INPP5J: variants seen among roughly 807,000 people sequenced by gnomAD.
The protein encoded by INPP5J is inositol polyphosphate-5-phosphatase J.
In INPP5J, 75 loss-of-function variants were observed where a neutral mutation model predicts 86.6. The observed-to-expected ratio is 0.87, with a 90% CI of 0.72 to 1.05. The LOEUF (loss-of-function observed/expected upper bound fraction) is 1.05, where lower values mean the gene tolerates loss of function less well. INPP5J is among the 50% of genes least tolerant of loss of function. The pLI is 0.00. For synonymous variants in INPP5J, 540 were observed against 550.0 expected, an observed-to-expected ratio of 0.98 and a Z score of 0.25; for missense variants, 1,229 against 1,341.2, an observed-to-expected ratio of 0.92 and a Z score of 1.31.
chr22:31,124,950 T>A lies in INPP5J; in HGVS notation c.211T>A (p.Ser71Thr), dbSNP rs1291193108. Residue 71 changes from serine to threonine, a missense_variant, in exon 2 of 13, where the codon TCC becomes ACC. Physicochemically the swap from Ser to Thr is moderately conservative, Grantham distance 58. Coordinates refer to ENST00000331075, the MANE Select transcript of INPP5J (RefSeq NM_001284285.2). Reference protein sequence around the residue: ...PVGPRAAMSASSEGPRLALAS... With the variant: ...PVGPRAAMSATSEGPRLALAS... ...AGGGCCACGGGCAGCTATGTCAGCT[T>A]CCTCGGAAGGACCGAGGCTGGCTCT... The A allele has an allele frequency of 6.2e-7, 1 of 1,611,630 alleles. No individual in the cohort carries two copies. Among genetic ancestry groups the A allele is most frequent in the East Asian group, 2.2e-5 (1 of 44,772 alleles).
At chr22:31,124,170 G>A in intron 1 of INPP5J, 1 of 694,678 alleles carries the variant, frequency 1.4e-6, no homozygotes, top group Non-Finnish European at 1.8e-6. Flanking sequence ...TGGGCAGAGA[G>A]GTACTTGCCT....
chr22:31,127,095 C>A (rs1003804956), intron 5 of INPP5J, 58 bp downstream of exon 5: 5 of 1,192,076 alleles, frequency 4.2e-6, no homozygotes, highest in East Asian at 2.5e-5. Context: ...TTAGATTAGT[C>A]CCCCCGCCCC....
intron 9 of INPP5J, among the ~76,000 whole-genome samples, chr22:31,131,568 A>G (rs1178353903): frequency 6.6e-6 from 1 of 152,080 alleles, no homozygotes; most frequent in African/African-American, 2.4e-5. Context: ...GTCTCAAAAA[A>G]AAAAAAAAAA....
At chr22:31,131,227 C>T (rs898649307) in intron 9 of INPP5J, among the ~76,000 whole-genome samples, 3 of 152,174 alleles carry the variant, frequency 2.0e-5, no homozygotes, top group Non-Finnish European at 4.4e-5. Context: ...CCTTTTGACA[C>T]CCCATCCTGT....
In INPP5J at chr22:31,125,275, C is replaced by G. The variant is rs1921262557; in HGVS notation, c.536C>G (p.Thr179Arg). 1.9e-6 allele frequency: 3 copies of G among 1,550,558 alleles called. No homozygotes were observed. The highest frequency in any genetic ancestry group is 2.6e-6 in the Non-Finnish European group (3 of 1,146,988). ...EPPASVGPKP[T>R]LAASGLSLAL... ...CCTGCCTCCGTGGGACCCAAGCCAA[C>G]ACTGGCAGCCTCTGGCCTGAGCCTG... is the stretch of plus-strand genomic sequence containing the variant. Residue 179 changes from threonine to arginine, a missense_variant, in exon 2 of 13, where the codon ACA (threonine) becomes AGA (arginine). Thr to Arg is a moderately conservative substitution (Grantham distance 71). Coordinates refer to ENST00000331075, the MANE Select transcript of INPP5J (RefSeq NM_001284285.2).
rs1355418211 is a variant in INPP5J at position 31,126,531 on chromosome 22, G to A, written c.1385+42G>A. On this transcript the variant is annotated intron_variant, in intron 3 of 12. Transcript: ENST00000331075. The stretch of plus-strand genomic sequence containing the variant: ...TGTGGACCCCCTCCTGAGCCCCTCG[G>A]GCCTTCCGGGCCCTCCACCCATGGC... 3 of 1,603,212 alleles carry A rather than the reference G, an allele frequency of 1.9e-6. No individual in the cohort carries two copies. The South Asian group carries it at 3.3e-5, about 18-fold the overall frequency.
At chr22:31,129,504 T>C (rs1485546416) in intron 9 of INPP5J, among the ~76,000 whole-genome samples, 1 of 148,014 alleles carries the variant, frequency 6.8e-6, no homozygotes, top group African/African-American at 2.5e-5. Flanking sequence ...CCTCCCAAAG[T>C]GCTAAGATTA....
At position 31,127,380 on chromosome 22, in the gene INPP5J, G is replaced by T; in HGVS notation, c.1635G>T (p.Val545=). Reference sequence around the variant, plus strand: ...AGGGTAACAAGGGTGGCGTGAGCGTGCGCCTGGCGGCCTTCGGGCACATGC... The same window carrying T: ...AGGGTAACAAGGGTGGCGTGAGCGTTCGCCTGGCGGCCTTCGGGCACATGC... ...GYWGNKGGVS[V]RLAAFGHMLC... Residue 545 remains valine (V), a synonymous_variant, in exon 6 of 13, where the codon GTG becomes GTT. Coordinates refer to ENST00000331075, the MANE Select transcript of INPP5J (RefSeq NM_001284285.2). 1 of 1,612,846 alleles carries T rather than the reference G, an allele frequency of 6.2e-7. No homozygotes were observed. The highest frequency in any genetic ancestry group is 8.5e-7 in the Non-Finnish European group (1 of 1,179,400).
intron 5 of INPP5J, 91 bp from the exon 6 acceptor site, chr22:31,127,266 T>C (rs1165904029): frequency 1.5e-5 from 19 of 1,239,534 alleles, no homozygotes; most frequent in Non-Finnish European, 2.2e-6. Flanking sequence ...CCACCCACCT[T>C]CCACCCACAT....
rs1008337002 is a variant in INPP5J at position 31,125,322 on chromosome 22, C to T, written c.583C>T (p.Pro195Ser). 6.4e-5 allele frequency: 99 copies of T among 1,550,312 alleles called. No homozygotes were observed. The highest frequency in any genetic ancestry group is 2.0e-4 in the Admixed American group (10 of 50,984). Residue 195 changes from proline to serine, a missense_variant, in exon 2 of 13, where the codon CCC becomes TCC. Transcript: ENST00000331075. ...CCTGGCCCTGGCTTCTGAGGAGCAG[C>T]CCCCAGAACTCCCCTCCACCCCTTC... is the stretch of plus-strand genomic sequence containing the variant. ...LSLALASEEQ[P>S]PELPSTPSPV...
intron 6 of INPP5J, 94 bp from the exon 7 acceptor site, chr22:31,127,857 G>A (rs1649177375): frequency 1.3e-5 from 10 of 784,226 alleles, no homozygotes; most frequent in South Asian, 1.3e-4. Context: ...GGGTTGGATG[G>A]GCTGGAAGGA....
intron 9 of INPP5J, among the ~76,000 whole-genome samples, chr22:31,129,314 C>T (rs1217668011): frequency 6.9e-6 from 1 of 144,868 alleles, no homozygotes; most frequent in Non-Finnish European, 1.5e-5. Context: ...AATCTTGGCT[C>T]ACTGCAACCA....
chr22:31,125,891 G>T lies in INPP5J; in HGVS notation c.1152G>T (p.Leu384=). 6.2e-7 allele frequency: 1 copy of T among 1,611,266 alleles called. No individual in the cohort carries two copies. Among genetic ancestry groups the T allele is most frequent in the Non-Finnish European group, 8.5e-7 (1 of 1,178,282 alleles). The part of the protein sequence containing the change: ...GTQSTGPGRC[L]SPNLQAQEAP... ...AGAGTACAGGGCCTGGCAGGTGCCT[G>T]AGCCCCAACCTTCAGGCCCAAGAAG... The change falls in exon 2 of 13, where the codon CTG becomes CTT. Residue 384 remains leucine, a synonymous_variant. Transcript: ENST00000331075.
At chr22:31,126,866 C>G in intron 4 of INPP5J, 55 bp from the exon 5 acceptor site, 1 of 1,461,992 alleles carries the variant, frequency 6.8e-7, no homozygotes, top group Non-Finnish European at 9.5e-7. Flanking sequence ...TGAAGGTGGG[C>G]GCGAGGGCGG....
chr22:31,126,294 T>G, intron 2 of INPP5J, 82 bp from the exon 3 acceptor site: 1 of 1,197,336 alleles, frequency 8.4e-7, no homozygotes, highest in Non-Finnish European at 1.2e-6. Context: ...CTCCATTTAG[T>G]TCCCCAGGGA....
intron 9 of INPP5J, among the ~76,000 whole-genome samples, chr22:31,128,927 CTTTTTT>C (rs56761879): frequency 2.5e-5 from 2 of 80,002 alleles, no homozygotes; most frequent in East Asian, 7.3e-4. Context: ...CATGCCTTTT[CTTTTTT>C]TTTTTTTTTT....
Position 31,130,081 on chromosome 22 carries a change from C to T in INPP5J, c.2193+1427C>T, listed in dbSNP as rs542358009. ...AAAAGGCCGAGCGCAGTGGCTCACGCCTGTAATCCCAGCACTTTGGGAGGC... is the reference window on the plus strand; with the variant it reads ...AAAAGGCCGAGCGCAGTGGCTCACGTCTGTAATCCCAGCACTTTGGGAGGC... On this transcript the variant is annotated intron_variant, in intron 9 of 12. Coordinates refer to ENST00000331075, the MANE Select transcript of INPP5J (RefSeq NM_001284285.2). Among the ~76,000 whole-genome samples, 6 of 152,232 alleles carry T rather than the reference C, an allele frequency of 3.9e-5. No individual in the cohort carries two copies. The South Asian group carries it at 1.2e-3, about 32-fold the overall frequency.
Position 31,126,593 on chromosome 22 carries a change from C to A in INPP5J, c.1386-20C>A. ...GGGCACCTCTCCAATCCCATGGCCACCCTGCCCCCACCCCTCCAGGTTGCA... is the reference window on the plus strand; with the variant it reads ...GGGCACCTCTCCAATCCCATGGCCAACCTGCCCCCACCCCTCCAGGTTGCA... On this transcript the variant is annotated intron_variant, in intron 3 of 12. Coordinates refer to ENST00000331075, the MANE Select transcript of INPP5J (RefSeq NM_001284285.2). The A allele has an allele frequency of 6.2e-7, 1 of 1,608,848 alleles. No individual in the cohort carries two copies. The highest frequency in any genetic ancestry group is 8.5e-7 in the Non-Finnish European group (1 of 1,175,282).
Position 31,133,236 on chromosome 22 carries a change from G to C in INPP5J, c.2331+1G>C. 2 of 1,606,644 alleles carry C rather than the reference G, an allele frequency of 1.2e-6. No individual in the cohort carries two copies. Among genetic ancestry groups the C allele is most frequent in the Non-Finnish European group, 1.7e-6 (2 of 1,178,126 alleles). ...CTGGGACTGGATCGGCTTATACCGG[G>C]TGAGAGGGGCAGTGGTGGTCAGCGA... On this transcript the variant is annotated splice_donor_variant, in intron 10 of 12. Coordinates refer to ENST00000331075, the MANE Select transcript of INPP5J (RefSeq NM_001284285.2). LOFTEE classifies it high-confidence loss of function.
Sources: gnomAD v4.1 joint callset for allele counts (sites outside exome capture counted in the v4.1 genomes callset) on GRCh38, gnomAD v4.1.1 for gene constraint, MANE v1.5 for transcripts, NCBI Gene and HGNC (gene_info 2026-07-23, HGNC 2026-07-21) for gene names.